The following SYT2 variants were observed in gnomAD, a reference collection of about 807,000 sequenced individuals.
The protein encoded by SYT2 is synaptotagmin-2.
Under a neutral mutation model 39.9 loss-of-function variants are expected in SYT2, and 15 were observed. That is an observed-to-expected ratio of 0.38 (90% CI 0.25 to 0.58). The LOEUF (loss-of-function observed/expected upper bound fraction) is 0.58, where lower values mean the gene tolerates loss of function less well. SYT2 is among the 20% of genes least tolerant of loss of function. SYT2 has a pLI of 0.70. For synonymous variants in SYT2, 181 were observed against 204.5 expected (o/e 0.89, Z 0.98); for missense variants, 389 against 530.3 (o/e 0.73, Z 2.62).
intron 1 of SYT2, among the ~76,000 whole-genome samples, chr1:202,657,252 C>G (rs1692293223): frequency 1.3e-5 from 2 of 152,224 alleles, no homozygotes; most frequent in South Asian, 4.1e-4. Flanking sequence ...CACACCCACA[C>G]AAGAGCCACG....
Position 202,604,554 on chromosome 1 carries a change from G to A in SYT2, c.246C>T (p.Cys82=), listed in dbSNP as rs139278075. Residue 82 remains cysteine (C), a synonymous_variant, in exon 3 of 9, where the codon TGC becomes TGT. Transcript: ENST00000367268. ...TCTTGCAGCAGCATTTCTTGCAGAT[G>A]CAGAAGCAGCAGGTGAGAAGCAGGA... ...AGLLLLTCCF[C]ICKKCCCKKK... 12 of 1,614,172 alleles carry A rather than the reference G, an allele frequency of 7.4e-6. No homozygotes were observed. In the African/African-American group the frequency reaches 1.5e-4, roughly 20 times the overall value.
intron 1 of SYT2, among the ~76,000 whole-genome samples, chr1:202,609,946 C>T (rs1227072877): frequency 1.3e-5 from 2 of 152,174 alleles, no homozygotes; most frequent in South Asian, 2.1e-4. Flanking sequence ...GTGTTTTAGA[C>T]GTGAAGTCCT....
intron 1 of SYT2, among the ~76,000 whole-genome samples, chr1:202,695,161 G>C (rs1347343619): frequency 6.6e-6 from 1 of 152,122 alleles, no homozygotes; most frequent in East Asian, 1.9e-4. Flanking sequence ...TGGAAAGCAA[G>C]TTGTCATTGG....
chr1:202,696,828 A>T (rs1653985600), intron 1 of SYT2, among the ~76,000 whole-genome samples: 1 of 152,246 alleles, frequency 6.6e-6, no homozygotes, highest in Non-Finnish European at 1.5e-5. Context: ...GCATCTTAGC[A>T]CTATGGAATG....
intron 1 of SYT2, chr1:202,643,246 C>G (rs948847030): frequency 1.3e-4 from 19 of 151,926 alleles, no homozygotes; most frequent in African/African-American, 4.6e-4. Flanking sequence ...TGGCTGCCCT[C>G]GTGGGGTGCC....
At chr1:202,616,664 G>A (rs1233515654) in intron 1 of SYT2, among the ~76,000 whole-genome samples, 3 of 152,160 alleles carry the variant, frequency 2.0e-5, no homozygotes, top group Non-Finnish European at 4.4e-5. Context: ...AACCCAGGGC[G>A]CATTTTCATT....
At chr1:202,648,468 C>T (rs562240169) in intron 1 of SYT2, among the ~76,000 whole-genome samples, 86 of 152,320 alleles carry the variant, frequency 5.6e-4, no homozygotes, top group African/African-American at 2.1e-3. Context: ...AGGTGTGAGC[C>T]TGTAATTTAC....
At chr1:202,694,735 CCT>C (rs1274578669) in intron 1 of SYT2, among the ~76,000 whole-genome samples, 9 of 151,900 alleles carry the variant, frequency 5.9e-5, no homozygotes, top group Middle Eastern at 3.2e-3. Flanking sequence ...TCTCTTTGTT[CCT>C]CTTTTTCCTC....
In SYT2 at chr1:202,613,067, CCTTTTTTTTTTTTTTTTTT is replaced by C. The variant is rs1690933018; in HGVS notation, c.-17-7297_-17-7279del. On this transcript the variant is annotated intron_variant, in intron 1 of 8. Transcript: ENST00000367268. ...CACATTGCCGAACTCATTGGTTCTT[CCTTTTTTTTTTTTTTTTTT>C]TTTTTTTTTTTCCAGACAGAGTCTC... Among the ~76,000 whole-genome samples, 71 of 121,604 alleles carry C rather than the reference CCTTTTTTTTTTTTTTTTTT, an allele frequency of 5.8e-4. 2 individuals are homozygous for C. Among genetic ancestry groups the C allele is most frequent in the Admixed American group, 2.5e-3 (25 of 9,850 alleles). The allele number at this position is 121,604 out of a possible 152,430, so 79.8% of individuals were successfully genotyped here. A position where few individuals can be genotyped will look rare whatever the true frequency, so the allele number is the denominator to read the frequency against.
intron 1 of SYT2, among the ~76,000 whole-genome samples, chr1:202,680,540 C>CA (rs1014936804): frequency 6.6e-6 from 1 of 151,768 alleles, no homozygotes; most frequent in Non-Finnish European, 1.5e-5. Context: ...GACCCTGTCT[C>CA]AAAAAAACCC....
At chr1:202,607,811 A>G (rs1273487715) in intron 1 of SYT2, among the ~76,000 whole-genome samples, 2 of 152,150 alleles carry the variant, frequency 1.3e-5, no homozygotes, top group Non-Finnish European at 2.9e-5. Context: ...AGGGATAAAG[A>G]TGTGTGTCCA....
chr1:202,639,022 C>T (rs1430998527), intron 1 of SYT2, among the ~76,000 whole-genome samples: 6 of 152,170 alleles, frequency 3.9e-5, no homozygotes, highest in Non-Finnish European at 8.8e-5. Context: ...TTCTGTCCTC[C>T]CTCCCTTCCC....
At chr1:202,696,701 C>A (rs139522767) in intron 1 of SYT2, among the ~76,000 whole-genome samples, 1 of 152,314 alleles carries the variant, frequency 6.6e-6, no homozygotes, top group Non-Finnish European at 1.5e-5. Flanking sequence ...CAGTGTCACA[C>A]AGATGAAAAG....
At chr1:202,638,245 C>G (rs1691796414) in intron 1 of SYT2, among the ~76,000 whole-genome samples, 1 of 152,042 alleles carries the variant, frequency 6.6e-6, no homozygotes, top group African/African-American at 2.4e-5. Flanking sequence ...CTTTGCCCCT[C>G]CTCCCCCCCA....
chr1:202,650,319 G>A (rs958523205), intron 1 of SYT2, among the ~76,000 whole-genome samples: 5 of 152,204 alleles, frequency 3.3e-5, no homozygotes, highest in Non-Finnish European at 7.3e-5. Context: ...CTTGCACGCA[G>A]TGACACTTCC....
At chr1:202,598,862 G>A (rs1255556504) in intron 8 of SYT2, among the ~76,000 whole-genome samples, 1 of 152,308 alleles carries the variant, frequency 6.6e-6, no homozygotes, top group Non-Finnish European at 1.5e-5. Context: ...AAGACAGGAT[G>A]TGGCTGGAGA....
chr1:202,685,228 TG>T (rs1445930395), intron 1 of SYT2, among the ~76,000 whole-genome samples: 2 of 152,168 alleles, frequency 1.3e-5, no homozygotes, highest in Non-Finnish European at 2.9e-5. Flanking sequence ...ATCATTCTCT[TG>T]GTACAGTTCA....
chr1:202,633,261 A>G (rs1691646328), intron 1 of SYT2, among the ~76,000 whole-genome samples: 1 of 152,086 alleles, frequency 6.6e-6, no homozygotes, highest in South Asian at 2.1e-4. Flanking sequence ...CCCATAAGTG[A>G]TCCCAAACCA....
chr1:202,708,975 G>C (rs982592704), intron 1 of SYT2, among the ~76,000 whole-genome samples: 23 of 152,214 alleles, frequency 1.5e-4, no homozygotes, highest in African/African-American at 5.1e-4. Context: ...AGACAGATTG[G>C]ATGGAGGACA....
Sources: gnomAD v4.1 joint callset for allele counts (sites outside exome capture counted in the v4.1 genomes callset) on GRCh38, gnomAD v4.1.1 for gene constraint, MANE v1.5 for transcripts, NCBI Gene and HGNC (gene_info 2026-07-23, HGNC 2026-07-21) for gene names.